Variants in HDAC9 observed in about 807,000 individuals in gnomAD.
HDAC9 encodes histone deacetylase 9.
A neutral mutation model predicts 139.4 loss-of-function variants in HDAC9; 41 were observed. The observed-to-expected ratio is 0.29, with a 90% CI of 0.23 to 0.38. HDAC9 has a LOEUF of 0.38. Ranked by LOEUF, HDAC9 falls within the 10% of genes least tolerant of loss-of-function variation. The pLI is 1.00. For synonymous variants in HDAC9, 517 were observed against 476.2 expected (o/e 1.09, Z -1.12); for missense variants, 1,147 against 1,297.0 (o/e 0.88, Z 1.78).
chr7:18,162,340 G>T, exon 2 of HDAC9: 1 of 1,535,120 alleles, frequency 6.5e-7, no homozygotes, highest in South Asian at 1.2e-5. Context: ...GAGCTCACCT[G>T]CACAGCCTGG....
chr7:18,155,845 A>G (rs151000098), intron 1 of HDAC9, among the ~76,000 whole-genome samples: 1 of 152,286 alleles, frequency 6.6e-6, no homozygotes, highest in East Asian at 1.9e-4. Context: ...AGTAATTGAT[A>G]TGCCAGTCTT....
intron 1 of HDAC9, among the ~76,000 whole-genome samples, chr7:18,417,520 C>G (rs1241926230): frequency 6.6e-6 from 1 of 152,086 alleles, no homozygotes; most frequent in Non-Finnish European, 1.5e-5. Context: ...TTTTCATACT[C>G]CTATGAATCT....
chr7:18,814,061 G>A (rs928130865), intron 17 of HDAC9, among the ~76,000 whole-genome samples: 4 of 152,180 alleles, frequency 2.6e-5, no homozygotes, highest in Admixed American at 6.5e-5. Context: ...TCAGACTGTC[G>A]GGATTTCATT....
At chr7:18,569,687 C>T (rs556196271) in intron 2 of HDAC9, among the ~76,000 whole-genome samples, 6 of 152,048 alleles carry the variant, frequency 3.9e-5, no homozygotes, top group Non-Finnish European at 5.9e-5. Flanking sequence ...TTTTCTTATG[C>T]CAAATTATAA....
intron 15 of HDAC9, among the ~76,000 whole-genome samples, chr7:18,764,684 G>A (rs565608395): frequency 1.6e-4 from 24 of 152,124 alleles, no homozygotes; most frequent in African/African-American, 5.5e-4. Context: ...ATATGTGAAT[G>A]TATAGAAATT....
intron 22 of HDAC9, among the ~76,000 whole-genome samples, chr7:18,930,736 GTCTC>G (rs1353489791): frequency 6.6e-6 from 1 of 152,170 alleles, no homozygotes; most frequent in East Asian, 1.9e-4. Context: ...AGCTGCCTCA[GTCTC>G]TGACTGCAGA....
chr7:18,386,497 A>G (rs1480632675), intron 1 of HDAC9, among the ~76,000 whole-genome samples: 2 of 152,180 alleles, frequency 1.3e-5, no homozygotes, highest in Non-Finnish European at 2.9e-5. Context: ...GTTACTTAAT[A>G]CCTTTTGAAG....
intron 13 of HDAC9, among the ~76,000 whole-genome samples, chr7:18,739,836 G>A (rs1787282066): frequency 1.3e-5 from 2 of 152,234 alleles, no homozygotes; most frequent in African/African-American, 4.8e-5. Context: ...TGTAGAAGTT[G>A]TCTGCTTCCT....
At chr7:18,357,612 CAGTA>C (rs1783424569) in intron 1 of HDAC9, among the ~76,000 whole-genome samples, 1 of 151,512 alleles carries the variant, frequency 6.6e-6, no homozygotes, top group East Asian at 1.9e-4. Flanking sequence ...AAAAAAAGGT[CAGTA>C]AGTATATATA....
intron 12 of HDAC9, among the ~76,000 whole-genome samples, chr7:18,679,273 T>G (rs78578865): frequency 6.6e-6 from 1 of 152,034 alleles, no homozygotes; most frequent in African/African-American, 2.4e-5. Context: ...AAGGCAGATA[T>G]GAGGGAACAA....
chr7:18,825,007 G>C (rs1024841433), intron 17 of HDAC9, among the ~76,000 whole-genome samples: 4 of 152,212 alleles, frequency 2.6e-5, no homozygotes, highest in Non-Finnish European at 5.9e-5. Context: ...ATTGGTCTCT[G>C]ACTTGAGCCA....
At chr7:18,815,076 C>T (rs1326814146) in intron 17 of HDAC9, among the ~76,000 whole-genome samples, 1 of 151,938 alleles carries the variant, frequency 6.6e-6, no homozygotes, top group Non-Finnish European at 1.5e-5. Context: ...GTCTTTATAG[C>T]CCAGTATAAT....
chr7:18,736,382 AG>A (rs1335722664), intron 13 of HDAC9, among the ~76,000 whole-genome samples: 5 of 152,180 alleles, frequency 3.3e-5, no homozygotes, highest in African/African-American at 1.2e-4. Flanking sequence ...TGTCATAAAT[AG>A]CTCTTATTAT....
At chr7:18,738,027 C>G (rs1004506362) in intron 13 of HDAC9, among the ~76,000 whole-genome samples, 7 of 152,236 alleles carry the variant, frequency 4.6e-5, no homozygotes, top group Non-Finnish European at 7.4e-5. Context: ...TGTTCTTTGT[C>G]TCTTTTGATC....
intron 1 of HDAC9, among the ~76,000 whole-genome samples, chr7:18,402,985 G>C (rs192824469): frequency 2.3e-4 from 35 of 152,300 alleles, no homozygotes; most frequent in Admixed American, 8.5e-4. Flanking sequence ...CTAGCTGTGA[G>C]TCAGAGTCGG....
intron 2 of HDAC9, among the ~76,000 whole-genome samples, chr7:18,255,288 C>G (rs1420053598): frequency 6.6e-6 from 1 of 152,054 alleles, no homozygotes; most frequent in African/African-American, 2.4e-5. Flanking sequence ...GGTCAGGAGA[C>G]AGATAAGTGG....
chr7:18,982,432 AC>A (rs1425205756), intron 25 of HDAC9, among the ~76,000 whole-genome samples: 2 of 152,060 alleles, frequency 1.3e-5, no homozygotes, highest in South Asian at 4.2e-4. Context: ...TTCCTGCCTT[AC>A]TTCTAACATT....
intron 22 of HDAC9, among the ~76,000 whole-genome samples, chr7:18,911,118 A>G (rs1487402846): frequency 7.2e-6 from 1 of 138,204 alleles, no homozygotes; most frequent in Non-Finnish European, 1.6e-5. Flanking sequence ...TACTGATTCT[A>G]TCTTGTTATT....
intron 19 of HDAC9, among the ~76,000 whole-genome samples, chr7:18,834,532 T>A (rs1397627701): frequency 6.6e-6 from 1 of 151,528 alleles, no homozygotes; most frequent in Admixed American, 6.6e-5. Context: ...ATCAGGCTTT[T>A]TTTTTTTTTT....
Sources: allele counts gnomAD v4.1 joint callset (sites outside exome capture counted in the v4.1 genomes callset), GRCh38; gene constraint gnomAD v4.1.1; transcripts MANE v1.5; gene names NCBI Gene and HGNC (gene_info 2026-07-23, HGNC 2026-07-21).